Variants in FHIP1A observed in about 807,000 individuals in gnomAD.
The protein encoded by FHIP1A is FHF complex subunit HOOK interacting protein 1A.
In FHIP1A, 61 loss-of-function variants were observed where a neutral mutation model predicts 88.6. That is an observed-to-expected ratio of 0.69 (90% CI 0.56 to 0.85). The LOEUF is 0.85. Among genes scored for constraint, FHIP1A ranks in the 40% least tolerant of loss-of-function variants. FHIP1A has a pLI of 0.00. For synonymous variants in FHIP1A, 478 were observed against 496.0 expected (o/e 0.96, Z 0.48); for missense variants, 1,154 against 1,273.5 (o/e 0.91, Z 1.43).
At chr4:151,420,609 G>A (rs1265449337) in intron 1 of FHIP1A, among the ~76,000 whole-genome samples, 1 of 152,142 alleles carries the variant, frequency 6.6e-6, no homozygotes, top group Non-Finnish European at 1.5e-5. Context: ...TAGGAATTTA[G>A]TCATTTGCTG....
chr4:151,430,749 A>G (rs1012586473), intron 1 of FHIP1A, among the ~76,000 whole-genome samples: 2 of 152,238 alleles, frequency 1.3e-5, no homozygotes, highest in Non-Finnish European at 2.9e-5. Context: ...CCTCAGGACT[A>G]TACTTTTCAC....
chr4:151,629,763 C>A lies in FHIP1A; in HGVS notation c.1040C>A (p.Ser347Tyr). Residue 347 changes from serine (S) to tyrosine (Y), a missense_variant, in exon 8 of 14, where the codon TCC becomes TAC. Ser to Tyr is a moderately radical substitution (Grantham distance 144). Coordinates refer to ENST00000435205, the MANE Select transcript of FHIP1A (RefSeq NM_001109977.3). ...AYLDLFLRSI[S>Y]EPALLEIFLR... ...CTGGACCTTTTCCTGCGTAGCATCT[C>A]CGAGCCAGCACTACTTGAGATCTTC... 3 of 1,551,466 alleles carry A rather than the reference C, an allele frequency of 1.9e-6. No homozygotes were observed. The highest frequency in any genetic ancestry group is 1.7e-6 in the Non-Finnish European group (2 of 1,146,834).
intron 3 of FHIP1A, among the ~76,000 whole-genome samples, chr4:151,548,860 T>C (rs781508772): frequency 6.6e-6 from 1 of 152,214 alleles, no homozygotes; most frequent in Non-Finnish European, 1.5e-5. Context: ...TGTAAAGAAA[T>C]AGCACTCGAA....
chr4:151,507,212 C>T (rs1730866369), intron 3 of FHIP1A, among the ~76,000 whole-genome samples: 1 of 152,146 alleles, frequency 6.6e-6, no homozygotes, highest in Non-Finnish European at 1.5e-5. Flanking sequence ...CAGCCTTGAT[C>T]TCCCAGGCTC....
chr4:151,627,039 C>CTGGT (rs1735982655), intron 7 of FHIP1A, among the ~76,000 whole-genome samples: 1 of 152,044 alleles, frequency 6.6e-6, no homozygotes, highest in East Asian at 1.9e-4. Flanking sequence ...ATAAAAAGCT[C>CTGGT]CTGAAGGCTC....
chr4:151,549,767 G>A (rs186541610), intron 3 of FHIP1A, among the ~76,000 whole-genome samples: 1 of 152,176 alleles, frequency 6.6e-6, no homozygotes, highest in East Asian at 1.9e-4. Flanking sequence ...AGATCCAAGA[G>A]CCCTCTCTTG....
At chr4:151,526,784 G>A (rs1342781859) in intron 3 of FHIP1A, among the ~76,000 whole-genome samples, 3 of 148,856 alleles carry the variant, frequency 2.0e-5, no homozygotes, top group South Asian at 2.2e-4. Flanking sequence ...GCTGCCGGGC[G>A]GAGGGGCTCT....
intron 10 of FHIP1A, among the ~76,000 whole-genome samples, chr4:151,648,418 G>C (rs1293766873): frequency 6.6e-6 from 1 of 152,012 alleles, no homozygotes; most frequent in Non-Finnish European, 1.5e-5. Context: ...CTTAGCAGTA[G>C]AGCTATAAAA....
rs1195248983 is a variant in FHIP1A at position 151,662,680 on chromosome 4, C to G, written c.3049C>G (p.Leu1017Val). 1 of 1,551,278 alleles carries G rather than the reference C, an allele frequency of 6.4e-7. No homozygotes were observed. Among genetic ancestry groups the G allele is most frequent in the Non-Finnish European group, 8.7e-7 (1 of 1,146,928 alleles). ...CCTCTTCCCAGAGTTCCTGAAGGAG[C>G]TGGCGGCCTTGGCCCAGGAACACTC... ...AALFPEFLKE[L>V]AALAQEHSIL... The change falls in exon 14 of 14, where the codon CTG (leucine) becomes GTG (valine). Residue 1017 changes from leucine to valine, a missense_variant. Coordinates refer to ENST00000435205, the MANE Select transcript of FHIP1A (RefSeq NM_001109977.3).
intron 3 of FHIP1A, among the ~76,000 whole-genome samples, chr4:151,538,306 G>A (rs893018986): frequency 2.6e-5 from 4 of 152,080 alleles, no homozygotes; most frequent in South Asian, 2.1e-4. Context: ...ATTTTATAGC[G>A]TTGTTCCAGG....
At chr4:151,473,304 CA>C (rs1383459383) in intron 2 of FHIP1A, among the ~76,000 whole-genome samples, 5 of 152,012 alleles carry the variant, frequency 3.3e-5, no homozygotes, top group African/African-American at 1.2e-4. Context: ...AATTTTTTCT[CA>C]ATGCTTATCT....
At chr4:151,531,384 G>A (rs1477606283) in intron 3 of FHIP1A, among the ~76,000 whole-genome samples, 1 of 151,844 alleles carries the variant, frequency 6.6e-6, no homozygotes, top group Admixed American at 6.6e-5. Flanking sequence ...CCTCTCCCCT[G>A]CCCAGTTTTT....
At chr4:151,510,427 G>A (rs1168923826) in intron 3 of FHIP1A, among the ~76,000 whole-genome samples, 2 of 152,086 alleles carry the variant, frequency 1.3e-5, no homozygotes, top group African/African-American at 4.8e-5. Flanking sequence ...CATTTTAAAA[G>A]AGATTTTTTT....
At chr4:151,627,574 C>G (rs1262184015) in intron 7 of FHIP1A, among the ~76,000 whole-genome samples, 1 of 152,136 alleles carries the variant, frequency 6.6e-6, no homozygotes, top group Non-Finnish European at 1.5e-5. Flanking sequence ...TTCTAGTGAT[C>G]AAGGTTGTTG....
chr4:151,521,555 C>T lies in FHIP1A; in HGVS notation c.-123+38907C>T, dbSNP rs116211962. ...GCTAGATCTTGGTAAAGCACAAAGA[C>T]CAAGGACTATACCTAGAACAGTATC... On this transcript the variant is annotated intron_variant, in intron 3 of 13. Transcript: ENST00000435205. Among the ~76,000 whole-genome samples the T allele has an allele frequency of 5.6e-3, 848 of 152,168 alleles. 6 individuals are homozygous for T. Among genetic ancestry groups the T allele is most frequent in the African/African-American group, 0.019 (772 of 41,504 alleles).
chr4:151,647,050 G>T (rs1736825480), intron 10 of FHIP1A, among the ~76,000 whole-genome samples: 1 of 152,196 alleles, frequency 6.6e-6, no homozygotes, highest in Non-Finnish European at 1.5e-5. Context: ...CAAGACGGGG[G>T]TGAGAGGTGT....
intron 10 of FHIP1A, among the ~76,000 whole-genome samples, chr4:151,648,023 C>T (rs546355883): frequency 7.2e-5 from 11 of 152,324 alleles, no homozygotes; most frequent in African/African-American, 2.4e-4. Flanking sequence ...TCTTTCCACT[C>T]TCCTGCCTCT....
chr4:151,535,484 G>A (rs974189034), intron 3 of FHIP1A, among the ~76,000 whole-genome samples: 2 of 152,090 alleles, frequency 1.3e-5, no homozygotes, highest in Non-Finnish European at 2.9e-5. Context: ...AACCATTATT[G>A]ACATTTCCAG....
At chr4:151,546,563 T>G (rs753396074) in intron 3 of FHIP1A, among the ~76,000 whole-genome samples, 2 of 152,254 alleles carry the variant, frequency 1.3e-5, no homozygotes, top group Non-Finnish European at 2.9e-5. Flanking sequence ...ATGTAGACCT[T>G]GCTTTCACAG....
Sources: allele counts gnomAD v4.1 joint callset (sites outside exome capture counted in the v4.1 genomes callset), GRCh38; gene constraint gnomAD v4.1.1; transcripts MANE v1.5; gene names NCBI Gene and HGNC (gene_info 2026-07-23, HGNC 2026-07-21).